The following REPIN1 variants were observed in gnomAD, a reference collection of about 807,000 sequenced individuals.
The protein encoded by REPIN1 is DNA-binding protein REPIN1.
REPIN1 carries 4 observed loss-of-function variants against 5.7 expected under a neutral mutation model. The observed-to-expected ratio is 0.71, with a 90% CI of 0.35 to 1.62. REPIN1 has a LOEUF of 1.62. Among genes scored for constraint, REPIN1 ranks in the 40% most tolerant of loss-of-function variants. The pLI is 0.05. For missense variants in REPIN1, 854 were observed against 901.0 expected, an observed-to-expected ratio of 0.95 and a Z score of 0.67; for synonymous variants, 410 against 386.2, an observed-to-expected ratio of 1.06 and a Z score of -0.72.
upstream of REPIN1, chr7:150,368,754 C>T: frequency 3.6e-6 from 1 of 277,830 alleles, no homozygotes; most frequent in Non-Finnish European, 6.6e-6. Context: ...CGGCGACTGA[C>T]CCTCGGCAGC....
At chr7:150,371,074 A>G (rs1480269479) in intron 2 of REPIN1, 154 bp from the exon 3 acceptor site, 2 of 833,286 alleles carry the variant, frequency 2.4e-6, no homozygotes, top group East Asian at 2.7e-5. Flanking sequence ...GAAATAATAC[A>G]TACCACACAA....
At position 150,369,800 on chromosome 7, in the gene REPIN1, G is replaced by C; in HGVS notation, c.89G>C (p.Gly30Ala). Residue 30 changes from glycine to alanine, a missense_variant, in exon 2 of 3, where the codon GGA (glycine) becomes GCA (alanine). This residue lies in a region of REPIN1 where 409 missense variants were observed against 418.6 expected (regional missense o/e 0.98). Transcript: ENST00000489432. ...SVGRSRRCSR[G>A]SIPRNIPKRS... is the part of the protein sequence containing the mutation. ...GGCCGAAGCAGGCGCTGCAGCCGCG[G>C]AAGTATCCCCAGGAACATCCCCAAG... The C allele has an allele frequency of 6.2e-7, 1 of 1,613,890 alleles. No homozygotes were observed. Among genetic ancestry groups the C allele is most frequent in the Non-Finnish European group, 8.5e-7 (1 of 1,179,768 alleles).
chr7:150,370,807 C>T (rs1367020694), intron 2 of REPIN1: 10 of 702,176 alleles, frequency 1.4e-5, no homozygotes, highest in East Asian at 2.7e-5. Context: ...CTGTGCAGCT[C>T]GGATGTGGCA....
chr7:150,371,342 A>G lies in REPIN1; in HGVS notation c.272A>G (p.Glu91Gly). The change falls in exon 3 of 3, where the codon GAG becomes GGG. Residue 91 changes from glutamate (E) to glycine (G), a missense_variant. Glu to Gly is a moderately conservative substitution (Grantham distance 98, BLOSUM62 -2). Transcript: ENST00000489432. ...GAGTCACCCCAGACCCTGGGGAAGGAGTCCCGCGGGCTGAGGCAACAAGGC... is the reference window on the plus strand; with the variant it reads ...GAGTCACCCCAGACCCTGGGGAAGGGGTCCCGCGGGCTGAGGCAACAAGGC... ...SQESPQTLGK[E>G]SRGLRQQGTS... The G allele has an allele frequency of 6.3e-7, 1 of 1,586,614 alleles. No individual in the cohort carries two copies. The highest frequency in any genetic ancestry group is 2.3e-5 in the East Asian group (1 of 43,520).
At chr7:150,370,978 A>T in intron 2 of REPIN1, 2 of 641,446 alleles carry the variant, frequency 3.1e-6, no homozygotes, top group Non-Finnish European at 5.6e-6. Flanking sequence ...GGATTCTAGT[A>T]TCAGAGTCCC....
At chr7:150,369,263 T>G (rs767768385) in intron 1 of REPIN1, 44 of 387,092 alleles carry the variant, frequency 1.1e-4, no homozygotes, top group Admixed American at 7.0e-4. Context: ...GACGGAGTCG[T>G]GGTCACACCA....
In REPIN1 at chr7:150,372,119, C is replaced by G. The variant is rs867872037; in HGVS notation, c.1049C>G (p.Pro350Arg). The G allele has an allele frequency of 3.1e-6, 5 of 1,611,210 alleles. No individual in the cohort carries two copies. The highest frequency in any genetic ancestry group is 4.2e-6 in the Non-Finnish European group (5 of 1,179,324). ...RRIHTGEKPY[P>R]CKECGRRFRH... Reference sequence around the variant, plus strand: ...ATCCACACCGGCGAGAAGCCCTACCCGTGCAAAGAGTGCGGCCGCCGCTTC... The same window carrying G: ...ATCCACACCGGCGAGAAGCCCTACCGGTGCAAAGAGTGCGGCCGCCGCTTC... The change falls in exon 3 of 3, where the codon CCG (proline) becomes CGG (arginine). Residue 350 changes from proline (P) to arginine (R), a missense_variant. Physicochemically the swap from Pro to Arg is moderately radical, Grantham distance 103. Coordinates refer to ENST00000489432, the MANE Select transcript of REPIN1 (RefSeq NM_001099695.2).
upstream of REPIN1, chr7:150,368,787 G>C (rs1184778144): frequency 6.8e-6 from 2 of 292,052 alleles, no homozygotes; most frequent in Admixed American, 5.1e-5. Context: ...GTGGCGCTGG[G>C]AACCCGGCGG....
chr7:150,369,830 G>A lies in REPIN1; in HGVS notation c.119G>A (p.Ser40Asn). ...GSIPRNIPKR[S>N]WKKPHPQLCS... ...ATCCCCAGGAACATCCCCAAGAGGA[G>A]CTGGAAAAAGCCTCATCCCCAGCTC... is the stretch of plus-strand genomic sequence containing the variant. The change falls in exon 2 of 3, where the codon AGC becomes AAC. Residue 40 changes from serine (S) to asparagine (N), a missense_variant. Ser to Asn is a conservative substitution (Grantham distance 46, BLOSUM62 1). Transcript: ENST00000489432. 1 of 1,612,188 alleles carries A rather than the reference G, an allele frequency of 6.2e-7. No individual in the cohort carries two copies. Among genetic ancestry groups the A allele is most frequent in the Non-Finnish European group, 8.5e-7 (1 of 1,178,534 alleles).
At position 150,372,507 on chromosome 7, in the gene REPIN1, G is replaced by C. The variant is rs1441921544; in HGVS notation, c.1437G>C (p.Ser479=). ...FGKKTHLVAH[S]RVHSGERPFA... ...AGAAGACGCACCTGGTGGCGCACTC[G>C]CGCGTGCACTCCGGCGAGCGGCCCT... is the stretch of plus-strand genomic sequence containing the variant. Residue 479 remains serine, a synonymous_variant, in exon 3 of 3, where the codon TCG becomes TCC. Transcript: ENST00000489432. The C allele has an allele frequency of 1.9e-6, 3 of 1,549,174 alleles. No individual in the cohort carries two copies. The highest frequency in any genetic ancestry group is 2.3e-5 in the East Asian group (1 of 42,894).
At chr7:150,370,588 G>A (rs1334450685) in intron 2 of REPIN1, 1 of 613,464 alleles carries the variant, frequency 1.6e-6, no homozygotes, top group South Asian at 1.9e-5. Flanking sequence ...AAAAGCTATA[G>A]ACACCTTTTT....
intron 2 of REPIN1, 76 bp downstream of exon 2, chr7:150,369,944 GAAA>G: frequency 5.3e-6 from 8 of 1,502,016 alleles, no homozygotes; most frequent in Non-Finnish European, 7.1e-6. Flanking sequence ...CCGGCGGAAG[GAAA>G]TGGCCCTTTC....
rs1313684042 is a variant in REPIN1, at chr7:150,372,445, C to A, written c.1375C>A (p.Pro459Thr). ...CCAGCGGCAGCACACCGGGGAGCGG[C>A]CCTTCACCTGCGCCGAGTGCGGGAA... ...AHQRQHTGER[P>T]FTCAECGKNF... Residue 459 changes from proline to threonine, a missense_variant, in exon 3 of 3, where the codon CCC becomes ACC. Around this residue, in one of 5 missense-constraint regions of REPIN1, gnomAD observed 327 missense variants for 307.8 expected, o/e 1.06. Coordinates refer to ENST00000489432, the MANE Select transcript of REPIN1 (RefSeq NM_001099695.2). 6.6e-7 allele frequency: 1 copy of A among 1,524,638 alleles called. No homozygotes were observed. The highest frequency in any genetic ancestry group is 2.1e-5 in the Admixed American group (1 of 48,110). 94.4% of individuals were successfully genotyped at this position (1,524,638 alleles called of 1,614,324 possible).
At chr7:150,369,043 CGG>C in intron 1 of REPIN1, 102 bp downstream of exon 1, 1 of 219,062 alleles carries the variant, frequency 4.6e-6, no homozygotes, top group Non-Finnish European at 7.8e-6. Flanking sequence ...TGTGAGTGCG[CGG>C]GGGGGGACGC....
intron 1 of REPIN1, chr7:150,369,342 A>T (rs1799257437): frequency 2.6e-6 from 1 of 382,660 alleles, no homozygotes; most frequent in African/African-American, 2.0e-5. Flanking sequence ...GGGGAAGGGG[A>T]GCCAGCAGGG....
intron 1 of REPIN1, 90 bp from the exon 2 acceptor site, chr7:150,369,581 G>T: frequency 8.8e-7 from 1 of 1,142,374 alleles, no homozygotes; most frequent in Non-Finnish European, 1.3e-6. Flanking sequence ...TGGCTTTGTG[G>T]GGGGAGGGGT....
In REPIN1 at chr7:150,373,186, C is replaced by G; in HGVS notation, c.*241C>G. The G allele has an allele frequency of 4.9e-6, 3 of 608,724 alleles. No homozygotes were observed. Among genetic ancestry groups the G allele is most frequent in the Admixed American group, 3.1e-5 (1 of 32,398 alleles). 37.7% of individuals were successfully genotyped at this position (608,724 alleles called of 1,614,324 possible). On this transcript the variant is annotated 3_prime_UTR_variant, in exon 3 of 3. Transcript: ENST00000489432. ...CTCCAGCTGGTGTGTGCTAAGGCTCCGTCCTGACTGCCCTGTGCCCTGGAA... is the reference window on the plus strand; with the variant it reads ...CTCCAGCTGGTGTGTGCTAAGGCTCGGTCCTGACTGCCCTGTGCCCTGGAA...
Position 150,372,462 on chromosome 7 carries a change from G to C in REPIN1, c.1392G>C (p.Glu464Asp), listed in dbSNP as rs1205084024. ...HTGERPFTCA[E>D]CGKNFGKKTH... ...GGGAGCGGCCCTTCACCTGCGCCGA[G>C]TGCGGGAAGAACTTCGGCAAGAAGA... The change falls in exon 3 of 3, where the codon GAG becomes GAC. Residue 464 changes from glutamate to aspartate, a missense_variant. This residue lies in a region of REPIN1 where 327 missense variants were observed against 307.8 expected (regional missense o/e 1.06). Coordinates refer to ENST00000489432, the MANE Select transcript of REPIN1 (RefSeq NM_001099695.2). 1 of 1,538,142 alleles carries C rather than the reference G, an allele frequency of 6.5e-7. No individual in the cohort carries two copies. Among genetic ancestry groups the C allele is most frequent in the Admixed American group, 2.0e-5 (1 of 50,410 alleles).
intron 2 of REPIN1, 79 bp downstream of exon 2, chr7:150,369,947 A>G: frequency 1.3e-6 from 2 of 1,498,540 alleles, no homozygotes; most frequent in Admixed American, 2.2e-5. Flanking sequence ...GCGGAAGGAA[A>G]TGGCCCTTTC....
Sources: allele counts gnomAD v4.1 joint callset, GRCh38; gene constraint gnomAD v4.1.1; regional missense constraint gnomAD v4.1.1; transcripts MANE v1.5; gene names NCBI Gene and HGNC (gene_info 2026-07-23, HGNC 2026-07-21).